Variants in SPAG16 observed in about 807,000 individuals in gnomAD.
The protein encoded by SPAG16 is sperm associated antigen 16.
In SPAG16, 86 loss-of-function variants were observed where a neutral mutation model predicts 80.4. The observed-to-expected ratio is 1.07, with a 90% confidence interval of 0.90 to 1.28. The LOEUF (loss-of-function observed/expected upper bound fraction) is 1.28, where lower values mean the gene tolerates loss of function less well. SPAG16 is among the 50% of genes most tolerant of loss of function. SPAG16 has a pLI of 0.00. For synonymous variants in SPAG16, 294 were observed against 265.9 expected, an observed-to-expected ratio of 1.11 and a Z score of -1.03; for missense variants, 870 against 765.3, an observed-to-expected ratio of 1.14 and a Z score of -1.61.
At chr2:213,718,766 G>T (rs963511519) in intron 10 of SPAG16, among the ~76,000 whole-genome samples, 2 of 152,168 alleles carry the variant, frequency 1.3e-5, no homozygotes, top group Admixed American at 6.5e-5. Flanking sequence ...CCATGCCTGA[G>T]CCTCCCACCC....
intron 14 of SPAG16, among the ~76,000 whole-genome samples, chr2:214,119,345 TA>T (rs377533868): frequency 2.6e-5 from 4 of 152,216 alleles, no homozygotes; most frequent in African/African-American, 9.6e-5. Flanking sequence ...TAAGGAACTA[TA>T]AAAGCTACTT....
chr2:213,557,914 T>C (rs1354815606), intron 10 of SPAG16, among the ~76,000 whole-genome samples: 2 of 152,176 alleles, frequency 1.3e-5, no homozygotes, highest in African/African-American at 4.8e-5. Flanking sequence ...TCTAAAGGGA[T>C]TTTTTAAAAA....
intron 10 of SPAG16, among the ~76,000 whole-genome samples, chr2:213,585,350 C>T (rs1198651479): frequency 6.7e-6 from 1 of 149,282 alleles, no homozygotes; most frequent in Non-Finnish European, 1.5e-5. Flanking sequence ...GATCTTGGCT[C>T]ACTGGAACCT....
At chr2:213,391,890 G>C (rs910419452) in intron 9 of SPAG16, among the ~76,000 whole-genome samples, 1 of 152,148 alleles carries the variant, frequency 6.6e-6, no homozygotes, top group East Asian at 1.9e-4. Context: ...TAGAAACATG[G>C]AGATTAGAGA....
At chr2:213,746,678 G>T (rs762706156) in intron 10 of SPAG16, among the ~76,000 whole-genome samples, 1 of 152,024 alleles carries the variant, frequency 6.6e-6, no homozygotes, top group African/African-American at 2.4e-5. Context: ...GTGGTGGTGC[G>T]TGCCTGTAGT....
At chr2:214,391,024 G>T (rs561300581) in intron 15 of SPAG16, among the ~76,000 whole-genome samples, 26 of 152,272 alleles carry the variant, frequency 1.7e-4, no homozygotes, top group African/African-American at 6.3e-4. Flanking sequence ...GTTCTTAGAA[G>T]ATCTTAAGGA....
intron 10 of SPAG16, among the ~76,000 whole-genome samples, chr2:213,574,401 A>C (rs1378704345): frequency 6.6e-6 from 1 of 152,108 alleles, no homozygotes; most frequent in Non-Finnish European, 1.5e-5. Flanking sequence ...GGAGCACTCT[A>C]CATCAGAGTA....
chr2:214,031,375 G>A (rs557536435), intron 13 of SPAG16, among the ~76,000 whole-genome samples: 1 of 138,072 alleles, frequency 7.2e-6, no homozygotes, highest in East Asian at 2.2e-4. Flanking sequence ...ACTCATAGGT[G>A]GGAATTGAAC....
At chr2:213,784,496 C>A (rs2070202433) in intron 10 of SPAG16, among the ~76,000 whole-genome samples, 1 of 150,454 alleles carries the variant, frequency 6.6e-6, no homozygotes, top group Non-Finnish European at 1.5e-5. Flanking sequence ...ATATCACTTA[C>A]AATAAAAGTA....
chr2:213,940,567 T>A (rs986086311), intron 12 of SPAG16, among the ~76,000 whole-genome samples: 5 of 152,210 alleles, frequency 3.3e-5, no homozygotes, highest in Non-Finnish European at 7.3e-5. Flanking sequence ...GTAGAGAGAA[T>A]TACAGGTATG....
chr2:213,479,235 T>C (rs1339126677), intron 9 of SPAG16, among the ~76,000 whole-genome samples: 4 of 151,728 alleles, frequency 2.6e-5, no homozygotes, highest in Non-Finnish European at 5.9e-5. Context: ...TAGTCTTTAA[T>C]CGAATGTCAC....
At chr2:213,352,465 A>T (rs2065386488) in intron 7 of SPAG16, among the ~76,000 whole-genome samples, 4 of 152,082 alleles carry the variant, frequency 2.6e-5, no homozygotes, top group Admixed American at 2.6e-4. Context: ...TTTGCTACCC[A>T]TCTTACTCTC....
At chr2:213,576,471 G>A (rs2060129218) in intron 10 of SPAG16, among the ~76,000 whole-genome samples, 1 of 152,174 alleles carries the variant, frequency 6.6e-6, no homozygotes, top group Non-Finnish European at 1.5e-5. Context: ...TCCCATTACT[G>A]GATATATACC....
In SPAG16 at chr2:214,021,041, T is replaced by A. The variant is rs2047836788; in HGVS notation, c.1527+6964T>A. Among the ~76,000 whole-genome samples the A allele has an allele frequency of 1.3e-5, 2 of 152,188 alleles. 1 individual carries two copies. The highest frequency in any genetic ancestry group is 1.3e-4 in the Admixed American group (2 of 15,270). On this transcript the variant is annotated intron_variant, in intron 13 of 15. Transcript: ENST00000331683. Reference sequence around the variant, plus strand: ...ATTAATCATATTATTTTCAAAATTATCTGCTTACAGTTCACTGTTGGCAAA... The same window carrying A: ...ATTAATCATATTATTTTCAAAATTAACTGCTTACAGTTCACTGTTGGCAAA...
chr2:213,794,091 A>C (rs561168645), intron 10 of SPAG16, among the ~76,000 whole-genome samples: 30 of 152,278 alleles, frequency 2.0e-4, no homozygotes, highest in African/African-American at 6.7e-4. Flanking sequence ...GCATCAGTGA[A>C]ATGTGTTTTA....
intron 9 of SPAG16, among the ~76,000 whole-genome samples, chr2:213,436,667 T>C (rs1214196227): frequency 6.6e-6 from 1 of 151,822 alleles, no homozygotes; most frequent in African/African-American, 2.4e-5. Flanking sequence ...AGAAATTAAA[T>C]TATATGAATT....
chr2:214,213,412 G>A (rs537513907), intron 15 of SPAG16, among the ~76,000 whole-genome samples: 38 of 152,146 alleles, frequency 2.5e-4, no homozygotes, highest in East Asian at 5.8e-4. Flanking sequence ...GTGCAACAAC[G>A]CAAGGCAGTG....
chr2:214,321,417 T>C (rs532930208), intron 15 of SPAG16, among the ~76,000 whole-genome samples: 1 of 152,322 alleles, frequency 6.6e-6, no homozygotes, highest in East Asian at 1.9e-4. Flanking sequence ...TCTTTGCTGA[T>C]GTTAATATTC....
At chr2:214,259,367 T>G in intron 15 of SPAG16, among the ~76,000 whole-genome samples, 1 of 150,170 alleles carries the variant, frequency 6.7e-6, no homozygotes, top group Admixed American at 6.7e-5. Context: ...ATATATAATA[T>G]ATATGTATAT....
Sources: gnomAD v4.1 joint callset for allele counts (sites outside exome capture counted in the v4.1 genomes callset) on GRCh38, gnomAD v4.1.1 for gene constraint, MANE v1.5 for transcripts, NCBI Gene and HGNC (gene_info 2026-07-23, HGNC 2026-07-21) for gene names.